Variants in FGB observed in about 807,000 individuals in gnomAD.
The protein encoded by FGB is beta-fibrinogen.
Under a neutral mutation model 57.9 loss-of-function variants are expected in FGB, and 25 were observed. That is an observed-to-expected ratio of 0.43 (90% CI 0.31 to 0.60). The LOEUF (loss-of-function observed/expected upper bound fraction) is 0.60. Among genes scored for constraint, FGB ranks in the 20% least tolerant of loss-of-function variants. The pLI, the probability that FGB is intolerant of heterozygous loss-of-function variation, is 0.08. For synonymous variants in FGB, 203 were observed against 199.2 expected, an observed-to-expected ratio of 1.02 and a Z score of -0.16; for missense variants, 536 against 598.4, an observed-to-expected ratio of 0.90 and a Z score of 1.09.
intron 5 of FGB, among the ~76,000 whole-genome samples, chr4:154,568,700 C>CAA (rs33927322): frequency 7.7e-6 from 1 of 129,548 alleles, no homozygotes; most frequent in Non-Finnish European, 1.6e-5. Flanking sequence ...AAAAAAATAC[C>CAA]AAAAAAAAAA....
At chr4:154,565,251 G>A (rs1414585622) in intron 1 of FGB, 8 of 438,472 alleles carry the variant, frequency 1.8e-5, no homozygotes, top group South Asian at 3.4e-5. Context: ...TCAACCCTAC[G>A]GTCAAGACCT....
rs758674997 is a variant in FGB, at chr4:154,570,519, G to A, written c.1345G>A (p.Gly449Ser). The A allele has an allele frequency of 1.9e-6, 3 of 1,613,960 alleles. No individual in the cohort carries two copies. The highest frequency in any genetic ancestry group is 2.5e-6 in the Non-Finnish European group (3 of 1,179,980). ...CAATCCAAACGGCAGATACTACTGG[G>A]GTGGACAGTACACCTGGGACATGGC... ...AANPNGRYYW[G>S]GQYTWDMAKH... is the part of the protein sequence containing the mutation. The change falls in exon 8 of 8, where the codon GGT becomes AGT. Residue 449 changes from glycine to serine, a missense_variant. This residue lies in a region of FGB where 177 missense variants were observed against 193.7 expected (regional missense o/e 0.91). Transcript: ENST00000302068.
chr4:154,567,936 A>C, intron 4 of FGB, 116 bp downstream of exon 4: 1 of 807,264 alleles, frequency 1.2e-6, no homozygotes, highest in Non-Finnish European at 2.1e-6. Context: ...GATCATAATG[A>C]CATTACAGTA....
intron 7 of FGB, 21 bp from the exon 8 acceptor site, chr4:154,570,398 G>T (rs754178629): frequency 5.8e-5 from 92 of 1,590,370 alleles, no homozygotes; most frequent in Non-Finnish European, 7.4e-5. Flanking sequence ...TTCTAATAAC[G>T]CCAAACACAT....
In FGB at chr4:154,572,094, C is replaced by A. The variant is rs886059145; in HGVS notation, c.*1444C>A. Among the ~76,000 whole-genome samples, 5 of 152,128 alleles carry A rather than the reference C, an allele frequency of 3.3e-5. No individual in the cohort carries two copies. On this transcript the variant is annotated 3_prime_UTR_variant, in exon 8 of 8. Transcript: ENST00000302068. ...AACATTAGCTCCTTCCTATCTATAT[C>A]CAAATTTCTTAAATTCAAATTTTTT... is the stretch of plus-strand genomic sequence containing the variant.
chr4:154,568,504 C>T lies in FGB; in HGVS notation c.832+10C>T, dbSNP rs767947958. ...AATACAGAAAATGGAGGTAAGCTTT[C>T]GACAGTTGTTGACCTGTTGATCTGT... On this transcript the variant is annotated intron_variant, in intron 5 of 7. Transcript: ENST00000302068. 3.0e-5 allele frequency: 40 copies of T among 1,355,624 alleles called. No homozygotes were observed. In the Middle Eastern group the frequency reaches 1.2e-3, roughly 42 times the overall value. 84.0% of individuals were successfully genotyped at this position (1,355,624 alleles called of 1,614,324 possible).
chr4:154,565,245 C>T (rs1730107064), intron 1 of FGB: 2 of 452,986 alleles, frequency 4.4e-6, no homozygotes, highest in Non-Finnish European at 4.6e-6. Flanking sequence ...TGTAAGTCAA[C>T]CCTACGGTCA....
chr4:154,567,271 G>A (rs1245986122), intron 3 of FGB, among the ~76,000 whole-genome samples: 1 of 152,198 alleles, frequency 6.6e-6, no homozygotes, highest in African/African-American at 2.4e-5. Flanking sequence ...CTGTAAGATT[G>A]AACTTCTCAG....
Position 154,570,984 on chromosome 4 carries a change from G to T in FGB, c.*334G>T. On this transcript the variant is annotated 3_prime_UTR_variant, in exon 8 of 8. Coordinates refer to ENST00000302068, the MANE Select transcript of FGB (RefSeq NM_005141.5). ...AAAACCATGACGGAAAGGAAAAACTGATGTTTAAAAGTCCACTTTTAAAAC... is the reference window on the plus strand; with the variant it reads ...AAAACCATGACGGAAAGGAAAAACTTATGTTTAAAAGTCCACTTTTAAAAC... The T allele has an allele frequency of 2.8e-6, 1 of 359,736 alleles. No individual in the cohort carries two copies. Among genetic ancestry groups the T allele is most frequent in the African/African-American group, 2.1e-5 (1 of 47,622 alleles). The allele number at this position is 359,736 out of a possible 1,614,324, so 22.3% of individuals were successfully genotyped here.
chr4:154,567,552 G>C, intron 3 of FGB, 41 bp from the exon 4 acceptor site: 1 of 1,289,236 alleles, frequency 7.8e-7, no homozygotes, highest in Non-Finnish European at 1.1e-6. Context: ...GTTTTATGAG[G>C]CAAAAATGCT....
intron 1 of FGB, 44 bp downstream of exon 1, chr4:154,563,176 A>G: frequency 1.2e-6 from 1 of 802,604 alleles, no homozygotes; most frequent in Non-Finnish European, 2.1e-6. Context: ...AGTATTATTA[A>G]TATAAGATGT....
In FGB at chr4:154,570,485, T is replaced by C. The variant is rs758044306; in HGVS notation, c.1311T>C (p.Cys437=). The change falls in exon 8 of 8, where the codon TGT becomes TGC. Residue 437 remains cysteine, a synonymous_variant. Coordinates refer to ENST00000302068, the MANE Select transcript of FGB (RefSeq NM_005141.5). ...GTGGTGGATGGTGGTATAATAGATG[T>C]CATGCAGCCAATCCAAACGGCAGAT... ...EDGGGWWYNR[C]HAANPNGRYY... is the part of the protein sequence containing the mutation. 2 of 1,614,050 alleles carry C rather than the reference T, an allele frequency of 1.2e-6. No homozygotes were observed. The highest frequency in any genetic ancestry group is 1.7e-6 in the Non-Finnish European group (2 of 1,180,034).
intron 1 of FGB, 132 bp from the exon 2 acceptor site, chr4:154,565,676 C>A (rs1730124511): frequency 1.1e-6 from 1 of 888,326 alleles, no homozygotes; most frequent in Non-Finnish European, 1.8e-6. Context: ...TATCACCAAC[C>A]AGCCAGTTGA....
In FGB at chr4:154,570,536, G is replaced by C. The variant is rs1402441572; in HGVS notation, c.1362G>C (p.Trp454Cys). 3 of 1,614,104 alleles carry C rather than the reference G, an allele frequency of 1.9e-6. No homozygotes were observed. Among genetic ancestry groups the C allele is most frequent in the Non-Finnish European group, 2.5e-6 (3 of 1,179,996 alleles). The change falls in exon 8 of 8, where the codon TGG becomes TGC. Residue 454 changes from tryptophan to cysteine, a missense_variant. This residue lies in a region of FGB where 177 missense variants were observed against 193.7 expected (regional missense o/e 0.91). Transcript: ENST00000302068. ...GRYYWGGQYTWDMAKHGTDDG... is the reference protein window; with the variant it reads ...GRYYWGGQYTCDMAKHGTDDG... ...ACTACTGGGGTGGACAGTACACCTG[G>C]GACATGGCAAAGCATGGCACAGATG...
At chr4:154,567,571 C>G (rs766114575) in intron 3 of FGB, 22 bp from the exon 4 acceptor site, 2 of 1,459,582 alleles carry the variant, frequency 1.4e-6, no homozygotes, top group Admixed American at 3.3e-5. Context: ...CTAACTATTT[C>G]TACATAATTT....
chr4:154,562,994 T>C (rs761398967), upstream of FGB: 10 of 1,144,052 alleles, frequency 8.7e-6, no homozygotes, highest in African/African-American at 4.6e-5. Context: ...ATATATAGGA[T>C]TGAAGATCTC....
intron 7 of FGB, among the ~76,000 whole-genome samples, 167 bp from the exon 8 acceptor site, chr4:154,570,252 C>T (rs756331678): frequency 2.0e-5 from 3 of 152,178 alleles, no homozygotes; most frequent in Non-Finnish European, 4.4e-5. Context: ...CTCTTTCTTG[C>T]TATAGGGCAC....
chr4:154,563,718 C>T (rs1178694143), intron 1 of FGB, among the ~76,000 whole-genome samples: 8 of 151,748 alleles, frequency 5.3e-5, no homozygotes, highest in Admixed American at 1.3e-4. Context: ...TTATGAAACA[C>T]GGTTCAGTCT....
rs1560820014 is a variant in FGB, at chr4:154,572,280, CAT to C, written c.*1631_*1632del. Among the ~76,000 whole-genome samples, 1 of 152,072 alleles carries C rather than the reference CAT, an allele frequency of 6.6e-6. No homozygotes were observed. The highest frequency in any genetic ancestry group is 1.5e-5 in the Non-Finnish European group (1 of 68,020). On this transcript the variant is annotated 3_prime_UTR_variant, in exon 8 of 8. Transcript: ENST00000302068. ...TTGATATAATTTAAAAAATCCTGCA[CAT>C]GTGTCATGCTGGAGCCCTATTGATT...
Sources: allele counts gnomAD v4.1 joint callset (sites outside exome capture counted in the v4.1 genomes callset), GRCh38; gene constraint gnomAD v4.1.1; regional missense constraint gnomAD v4.1.1; transcripts MANE v1.5; gene names NCBI Gene and HGNC (gene_info 2026-07-23, HGNC 2026-07-21).